The following SHISA9 variants were observed in gnomAD, a reference collection of about 807,000 sequenced individuals.
The protein encoded by SHISA9 is shisa family member 9.
In SHISA9, 13 loss-of-function variants were observed where a neutral mutation model predicts 38.0. The observed-to-expected ratio is 0.34, with a 90% confidence interval of 0.22 to 0.54. SHISA9 has a LOEUF of 0.54. Among genes scored for constraint, SHISA9 ranks in the 20% least tolerant of loss-of-function variants. The pLI, the probability that SHISA9 is intolerant of heterozygous loss-of-function variation, is 0.91. For missense variants in SHISA9, 538 were observed against 575.8 expected (o/e 0.93, Z 0.67); for synonymous variants, 275 against 242.0 (o/e 1.14, Z -1.27).
At chr16:12,971,949 TC>T (rs1173360588) in intron 2 of SHISA9, among the ~76,000 whole-genome samples, 4 of 152,006 alleles carry the variant, frequency 2.6e-5, no homozygotes, top group African/African-American at 7.2e-5. Context: ...CACAAAAATT[TC>T]TCTTGCATGC....
At chr16:13,055,905 G>A (rs898595613) in intron 2 of SHISA9, among the ~76,000 whole-genome samples, 2 of 152,230 alleles carry the variant, frequency 1.3e-5, no homozygotes, top group African/African-American at 4.8e-5. Flanking sequence ...AGTCCAACAA[G>A]CCTTTGCTGA....
chr16:12,969,582 T>C (rs2072028325), intron 2 of SHISA9, among the ~76,000 whole-genome samples: 1 of 151,850 alleles, frequency 6.6e-6, no homozygotes, highest in Non-Finnish European at 1.5e-5. Flanking sequence ...CTGTCTCTAC[T>C]AAAAAAACAG....
chr16:13,458,071 A>C, the SHISA9 span, among the ~76,000 whole-genome samples: 1 of 152,084 alleles, frequency 6.6e-6, no homozygotes, highest in Non-Finnish European at 1.5e-5. Context: ...TTGTTCAATG[A>C]GTGGATGAAC....
At chr16:13,215,326 A>G (rs1281819333) in intron 4 of SHISA9, among the ~76,000 whole-genome samples, 1 of 152,150 alleles carries the variant, frequency 6.6e-6, no homozygotes, top group East Asian at 1.9e-4. Context: ...AGTGCATTCT[A>G]TTCCCTCATT....
At chr16:13,246,955 G>C in the SHISA9 span, among the ~76,000 whole-genome samples, 1 of 150,466 alleles carries the variant, frequency 6.6e-6, no homozygotes, top group African/African-American at 2.4e-5. Flanking sequence ...TGGATAATTT[G>C]TTATGAAAGA....
At chr16:13,089,291 G>A (rs1193108949) in intron 2 of SHISA9, among the ~76,000 whole-genome samples, 1 of 152,156 alleles carries the variant, frequency 6.6e-6, no homozygotes, top group East Asian at 1.9e-4. Context: ...GCCAGGCTTT[G>A]GTATCAGGAT....
intron 2 of SHISA9, among the ~76,000 whole-genome samples, chr16:13,127,437 GGA>G (rs761515363): frequency 1.4e-5 from 2 of 147,110 alleles, no homozygotes; most frequent in African/African-American, 2.5e-5. Context: ...AGAGGGATAG[GGA>G]GAGAGAGATC....
intron 2 of SHISA9, among the ~76,000 whole-genome samples, chr16:12,948,375 A>G (rs896558423): frequency 6.6e-6 from 1 of 152,226 alleles, no homozygotes; most frequent in African/African-American, 2.4e-5. Flanking sequence ...AAAATACAGA[A>G]TGGTAGAAAG....
the SHISA9 span, among the ~76,000 whole-genome samples, chr16:13,384,034 C>T: frequency 2.6e-5 from 4 of 152,136 alleles, no homozygotes; most frequent in Admixed American, 2.6e-4. Context: ...TTTTTTAGAA[C>T]ATACCTATTT....
the SHISA9 span, among the ~76,000 whole-genome samples, chr16:13,481,083 C>T: frequency 6.6e-6 from 1 of 152,170 alleles, no homozygotes; most frequent in Non-Finnish European, 1.5e-5. Flanking sequence ...GGAAAGACAC[C>T]AGAGTTGGGG....
the SHISA9 span, among the ~76,000 whole-genome samples, chr16:13,519,283 A>G: frequency 6.6e-6 from 1 of 152,226 alleles, no homozygotes; most frequent in Non-Finnish European, 1.5e-5. Context: ...GTAAGCCTCA[A>G]TAATTTCTTT....
the SHISA9 span, among the ~76,000 whole-genome samples, chr16:13,556,115 T>C: frequency 6.6e-6 from 1 of 152,236 alleles, no homozygotes; most frequent in Non-Finnish European, 1.5e-5. Flanking sequence ...CAAATCTCCC[T>C]GAGTTCCTCC....
At chr16:12,915,387 G>T (rs1270176361) in intron 1 of SHISA9, among the ~76,000 whole-genome samples, 1 of 152,214 alleles carries the variant, frequency 6.6e-6, no homozygotes, top group African/African-American at 2.4e-5. Flanking sequence ...CGAGGCTGCT[G>T]TGAGCCATGA....
the SHISA9 span, among the ~76,000 whole-genome samples, chr16:13,349,537 C>T: frequency 6.8e-3 from 1,036 of 152,328 alleles, 16 homozygotes; most frequent in African/African-American, 0.024. Context: ...GCTGCACTCA[C>T]TGATCCACTG....
chr16:13,497,706 AAAG>A, the SHISA9 span, among the ~76,000 whole-genome samples: 1 of 151,784 alleles, frequency 6.6e-6, no homozygotes, highest in African/African-American at 2.4e-5. Flanking sequence ...AAAAAAGAAA[AAAG>A]AAAAAAGAAG....
Position 12,902,264 on chromosome 16 carries a change from G to C in SHISA9, c.200G>C (p.Arg67Pro), listed in dbSNP as rs1279558685. ...GAGGCATCGGACGCGCCCCCGACCCGGGCGCCCACGCCGGACTTCTGCCGG... is the reference window on the plus strand; with the variant it reads ...GAGGCATCGGACGCGCCCCCGACCCCGGCGCCCACGCCGGACTTCTGCCGG... ...GAEASDAPPT[R>P]APTPDFCRGY... Residue 67 changes from arginine (R) to proline (P), a missense_variant, in exon 1 of 5, where the codon CGG (arginine) becomes CCG (proline). Arg to Pro is a moderately radical substitution (Grantham distance 103). This residue lies in a region of SHISA9 where 107 missense variants were observed against 103.0 expected (regional missense o/e 1.04). Coordinates refer to ENST00000558583, the MANE Select transcript of SHISA9 (RefSeq NM_001145204.3). 1.9e-6 allele frequency: 3 copies of C among 1,547,508 alleles called. No homozygotes were observed. The highest frequency in any genetic ancestry group is 2.6e-6 in the Non-Finnish European group (3 of 1,146,820).
chr16:13,088,057 A>G (rs1407718260), intron 2 of SHISA9, among the ~76,000 whole-genome samples: 1 of 152,198 alleles, frequency 6.6e-6, no homozygotes, highest in East Asian at 1.9e-4. Flanking sequence ...CAGTTTTCGC[A>G]GTATCATTTA....
intron 2 of SHISA9, among the ~76,000 whole-genome samples, chr16:13,184,001 G>A (rs981991725): frequency 6.6e-6 from 1 of 152,062 alleles, no homozygotes; most frequent in East Asian, 1.9e-4. Flanking sequence ...CTCTGGGGGA[G>A]GGACAGGAAA....
intron 4 of SHISA9, among the ~76,000 whole-genome samples, chr16:13,227,271 G>A (rs944564815): frequency 2.0e-5 from 3 of 152,218 alleles, no homozygotes; most frequent in African/African-American, 7.2e-5. Flanking sequence ...ATTACAGGAG[G>A]TGAAACAAGG....
Sources: allele counts gnomAD v4.1 joint callset (sites outside exome capture counted in the v4.1 genomes callset), GRCh38; gene constraint gnomAD v4.1.1; regional missense constraint gnomAD v4.1.1; transcripts MANE v1.5; gene names NCBI Gene and HGNC (gene_info 2026-07-23, HGNC 2026-07-21).